ACYP2: variants seen among roughly 807,000 people sequenced by gnomAD.
The protein encoded by ACYP2 is acylphosphatase 2, also known as acylphosphatase-2.
ACYP2 carries 12 observed loss-of-function variants against 11.2 expected under a neutral mutation model. That is an observed-to-expected ratio of 1.08 (90% CI 0.69 to 1.74). The LOEUF (loss-of-function observed/expected upper bound fraction) is 1.74, where lower values mean the gene tolerates loss of function less well. Ranked by LOEUF, ACYP2 falls within the 40% of genes most tolerant of loss-of-function variation. The pLI is 0.00. For synonymous variants in ACYP2, 43 were observed against 32.2 expected, an observed-to-expected ratio of 1.33 and a Z score of -1.13; for missense variants, 134 against 101.9, an observed-to-expected ratio of 1.31 and a Z score of -1.35.
At chr2:53,993,154 C>T (rs1002581813) in intron 2 of ACYP2, among the ~76,000 whole-genome samples, 4 of 151,978 alleles carry the variant, frequency 2.6e-5, no homozygotes, top group Non-Finnish European at 2.9e-5. Context: ...TGCGGTGAGC[C>T]GAGATGGCAC....
chr2:54,123,027 C>T (rs537964863), intron 4 of ACYP2, among the ~76,000 whole-genome samples: 24 of 152,256 alleles, frequency 1.6e-4, no homozygotes, highest in African/African-American at 5.3e-4. Flanking sequence ...TAGGGTAGAG[C>T]CAGAAGTATG....
chr2:54,134,332 A>G (rs1340095418), intron 4 of ACYP2, among the ~76,000 whole-genome samples: 1 of 152,164 alleles, frequency 6.6e-6, no homozygotes, highest in East Asian at 1.9e-4. Context: ...AAATAAATAA[A>G]TAAAGAACTG....
chr2:54,263,246 G>A (rs1384651211), intron 6 of ACYP2, among the ~76,000 whole-genome samples: 1 of 152,170 alleles, frequency 6.6e-6, no homozygotes, highest in African/African-American at 2.4e-5. Flanking sequence ...GGAGGAGAGA[G>A]AGGGAGGTGC....
At chr2:53,998,585 G>A (rs1343345107) in intron 2 of ACYP2, among the ~76,000 whole-genome samples, 1 of 152,052 alleles carries the variant, frequency 6.6e-6, no homozygotes, top group Non-Finnish European at 1.5e-5. Context: ...GAGGCTGAGA[G>A]GGGTGGATCG....
rs1041891057 is a variant in ACYP2, at chr2:54,213,512, C to T, written c.404+74764C>T. ...CTGTTTTAAGTTCTTTGAGAAATCT[C>T]CAAACTGCTTTCTAATTTATTCCCA... On this transcript the variant is annotated intron_variant, in intron 6 of 6. Coordinates refer to ENST00000607452, the MANE Select transcript of ACYP2 (RefSeq NM_001320586.2). Among the ~76,000 whole-genome samples the T allele has an allele frequency of 9.2e-5, 14 of 152,124 alleles. 1 individual carries two copies. Among genetic ancestry groups the T allele is most frequent in the Non-Finnish European group, 1.5e-5 (1 of 68,006 alleles).
chr2:54,198,113 G>A (rs1399214067), intron 6 of ACYP2, among the ~76,000 whole-genome samples: 1 of 151,814 alleles, frequency 6.6e-6, no homozygotes. Flanking sequence ...TTGGGCTCCC[G>A]GGTTCAAGTG....
chr2:54,072,636 C>T (rs543164486), intron 4 of ACYP2, among the ~76,000 whole-genome samples: 1 of 149,964 alleles, frequency 6.7e-6, no homozygotes, highest in East Asian at 2.0e-4. Context: ...AGGCTTGGCT[C>T]ACTGCAACCT....
intron 2 of ACYP2, among the ~76,000 whole-genome samples, chr2:54,015,027 G>A (rs1443447951): frequency 6.6e-6 from 1 of 152,170 alleles, no homozygotes; most frequent in Non-Finnish European, 1.5e-5. Context: ...TCAAAGTGGG[G>A]TCTGGGGAGC....
At chr2:54,263,044 C>A (rs979536161) in intron 6 of ACYP2, among the ~76,000 whole-genome samples, 2 of 152,034 alleles carry the variant, frequency 1.3e-5, no homozygotes, top group Admixed American at 6.6e-5. Context: ...GGTAGTGAGA[C>A]CCTGTGTGTT....
At chr2:54,001,984 A>G (rs1672825609) in intron 2 of ACYP2, among the ~76,000 whole-genome samples, 2 of 152,226 alleles carry the variant, frequency 1.3e-5, no homozygotes, top group Admixed American at 6.5e-5. Context: ...ATTTGTTACT[A>G]TTAATGAACC....
intron 4 of ACYP2, among the ~76,000 whole-genome samples, chr2:54,076,731 G>T (rs1466135322): frequency 1.3e-5 from 2 of 151,886 alleles, no homozygotes; most frequent in Admixed American, 6.6e-5. Context: ...AGAGAGAGAG[G>T]GTACAGCAGC....
intron 4 of ACYP2, among the ~76,000 whole-genome samples, chr2:54,062,393 A>G (rs760018481): frequency 1.4e-4 from 21 of 152,338 alleles, no homozygotes; most frequent in Non-Finnish European, 1.9e-4. Flanking sequence ...ATCTCTATTC[A>G]GCCTCCATCT....
intron 2 of ACYP2, among the ~76,000 whole-genome samples, chr2:54,023,449 A>G (rs948344269): frequency 1.3e-5 from 2 of 152,030 alleles, no homozygotes; most frequent in Non-Finnish European, 2.9e-5. Flanking sequence ...TGATTTTTAG[A>G]GCAACTTTAT....
At chr2:54,227,746 C>T (rs1015505266) in intron 6 of ACYP2, among the ~76,000 whole-genome samples, 1 of 152,048 alleles carries the variant, frequency 6.6e-6, no homozygotes, top group Admixed American at 6.6e-5. Context: ...CTTTATTAAT[C>T]CAAAGTAAGT....
intron 2 of ACYP2, among the ~76,000 whole-genome samples, chr2:53,978,066 A>C (rs902487653): frequency 2.6e-5 from 4 of 151,968 alleles, no homozygotes; most frequent in Non-Finnish European, 5.9e-5. Flanking sequence ...GTTCGAGATC[A>C]GCCTGGCCAA....
At chr2:54,227,617 C>T (rs1384514813) in intron 6 of ACYP2, among the ~76,000 whole-genome samples, 1 of 142,924 alleles carries the variant, frequency 7.0e-6, no homozygotes, top group Admixed American at 7.0e-5. Flanking sequence ...AGCAAGACTC[C>T]ATTTCAAAAA....
At chr2:54,263,365 A>G (rs555365843) in intron 6 of ACYP2, among the ~76,000 whole-genome samples, 26 of 152,346 alleles carry the variant, frequency 1.7e-4, no homozygotes, top group Admixed American at 5.9e-4. Context: ...TGATCCAGTC[A>G]TCTCCCACCA....
At chr2:54,005,485 G>T (rs1406709463) in intron 2 of ACYP2, among the ~76,000 whole-genome samples, 3 of 152,024 alleles carry the variant, frequency 2.0e-5, no homozygotes, top group Non-Finnish European at 2.9e-5. Context: ...GAGTACAGGC[G>T]TGTGCCACCA....
intron 6 of ACYP2, among the ~76,000 whole-genome samples, chr2:54,264,402 T>A (rs1687922794): frequency 6.6e-6 from 1 of 152,180 alleles, no homozygotes; most frequent in Admixed American, 6.5e-5. Context: ...ATTGGTGTGT[T>A]TACAATCCTC....
Sources: allele counts gnomAD v4.1 joint callset (sites outside exome capture counted in the v4.1 genomes callset), GRCh38; gene constraint gnomAD v4.1.1; transcripts MANE v1.5; gene names NCBI Gene and HGNC (gene_info 2026-07-23, HGNC 2026-07-21).